Variants in LSAMP observed in about 807,000 individuals in gnomAD.
The protein encoded by LSAMP is limbic system associated membrane protein.
In LSAMP, 7 loss-of-function variants were observed where a neutral mutation model predicts 38.6. That is an observed-to-expected ratio of 0.18 (90% CI 0.10 to 0.34). LSAMP has a LOEUF of 0.34. Among genes scored for constraint, LSAMP ranks in the 10% least tolerant of loss-of-function variants. The pLI is 1.00. For synonymous variants in LSAMP, 154 were observed against 166.8 expected, an observed-to-expected ratio of 0.92 and a Z score of 0.59; for missense variants, 313 against 420.0, an observed-to-expected ratio of 0.75 and a Z score of 2.23.
intron 1 of LSAMP, among the ~76,000 whole-genome samples, chr3:116,343,191 G>A (rs2048020325): frequency 6.6e-6 from 1 of 152,106 alleles, no homozygotes; most frequent in Non-Finnish European, 1.5e-5. Flanking sequence ...TACTTGTGAT[G>A]GATTTGGAAA....
chr3:116,338,126 G>A (rs2047945934), intron 1 of LSAMP, among the ~76,000 whole-genome samples: 1 of 151,952 alleles, frequency 6.6e-6, no homozygotes, highest in Non-Finnish European at 1.5e-5. Flanking sequence ...TAAACCTTGT[G>A]TGAAAGATTT....
rs962377765 is a variant in LSAMP at position 115,926,436 on chromosome 3, A to G, written c.515-73819T>C. Among the ~76,000 whole-genome samples, 5 of 152,218 alleles carry G rather than the reference A, an allele frequency of 3.3e-5. No homozygotes were observed. In the South Asian group the frequency reaches 1.0e-3, roughly 32 times the overall value. On this transcript the variant is annotated intron_variant, in intron 3 of 6. Transcript: ENST00000490035. Reference sequence around the variant, plus strand: ...ACATATACATAAACATTTTTCTAGCACTGAGAGCTCACCAATAAAGTGTCA... The same window carrying G: ...ACATATACATAAACATTTTTCTAGCGCTGAGAGCTCACCAATAAAGTGTCA...
At chr3:115,839,683 T>C (rs766606578) in intron 6 of LSAMP, among the ~76,000 whole-genome samples, 4 of 152,228 alleles carry the variant, frequency 2.6e-5, no homozygotes, top group Non-Finnish European at 5.9e-5. Flanking sequence ...AACCAAATGC[T>C]GATGCATGTG....
chr3:115,955,053 C>A (rs1400673411), intron 3 of LSAMP, among the ~76,000 whole-genome samples: 3 of 151,710 alleles, frequency 2.0e-5, no homozygotes, highest in Non-Finnish European at 4.4e-5. Flanking sequence ...CTCCCGGGTT[C>A]ACGCCATTCT....
At chr3:116,302,601 T>C (rs931134512) in intron 1 of LSAMP, among the ~76,000 whole-genome samples, 4 of 152,354 alleles carry the variant, frequency 2.6e-5, no homozygotes, top group South Asian at 2.1e-4. Context: ...ACTAGAAATA[T>C]GAGTCGTATT....
At chr3:115,919,118 T>C (rs1483502177) in intron 3 of LSAMP, among the ~76,000 whole-genome samples, 1 of 152,054 alleles carries the variant, frequency 6.6e-6, no homozygotes, top group Non-Finnish European at 1.5e-5. Context: ...AAATTATGCT[T>C]CCTCCCTCCC....
intron 6 of LSAMP, chr3:115,841,613 AAAAC>A (rs1314173597): frequency 1.7e-5 from 7 of 404,230 alleles, no homozygotes; most frequent in Admixed American, 1.2e-4. Flanking sequence ...AAAACGAAGA[AAAAC>A]AAACAACAAG....
Position 115,803,472 on chromosome 3 carries a change from A to C in LSAMP, c.*6845T>G, listed in dbSNP as rs1397050454. On this transcript the variant is annotated 3_prime_UTR_variant, in exon 7 of 7. Coordinates refer to ENST00000490035, the MANE Select transcript of LSAMP (RefSeq NM_002338.5). ...ATGCATCTAGAACATGGCACAAGAA[A>C]ATAATTCCTTATTAATTGCTTGAGA... is the stretch of plus-strand genomic sequence containing the variant. 1 of 152,184 alleles carries C rather than the reference A, an allele frequency of 6.6e-6. No individual in the cohort carries two copies. The highest frequency in any genetic ancestry group is 2.4e-5 in the African/African-American group (1 of 41,454). 9.4% of individuals were successfully genotyped at this position (152,184 alleles called of 1,614,324 possible). A position where few individuals can be genotyped will look rare whatever the true frequency, so the allele number is the denominator to read the frequency against.
chr3:116,196,792 G>A (rs1710892451), intron 1 of LSAMP, among the ~76,000 whole-genome samples: 1 of 152,012 alleles, frequency 6.6e-6, no homozygotes, highest in South Asian at 2.1e-4. Context: ...TTCATTCATT[G>A]TACTTTCTGG....
At chr3:115,989,750 T>C (rs1939614320) in intron 3 of LSAMP, among the ~76,000 whole-genome samples, 1 of 152,102 alleles carries the variant, frequency 6.6e-6, no homozygotes, top group Non-Finnish European at 1.5e-5. Context: ...TCCTCAATTC[T>C]TAGATGTAGA....
chr3:116,303,677 G>A (rs193048702), intron 1 of LSAMP, among the ~76,000 whole-genome samples: 1 of 152,280 alleles, frequency 6.6e-6, no homozygotes, highest in East Asian at 1.9e-4. Context: ...AAGTGCTTGT[G>A]AAGTGTACAG....
intron 1 of LSAMP, among the ~76,000 whole-genome samples, chr3:116,317,862 G>A (rs1184099317): frequency 2.0e-5 from 3 of 151,574 alleles, no homozygotes; most frequent in Non-Finnish European, 2.9e-5. Flanking sequence ...AAGGCCGGGC[G>A]CGGTGGCTCA....
intron 1 of LSAMP, among the ~76,000 whole-genome samples, chr3:116,162,287 G>A (rs1709906307): frequency 6.6e-6 from 1 of 152,114 alleles, no homozygotes; most frequent in South Asian, 2.1e-4. Context: ...TTTGGTGTTG[G>A]TGAAATTTCA....
intron 3 of LSAMP, among the ~76,000 whole-genome samples, chr3:115,993,305 A>T (rs1211018144): frequency 6.6e-6 from 1 of 152,080 alleles, no homozygotes; most frequent in Non-Finnish European, 1.5e-5. Context: ...CAGTCTTTAA[A>T]GTGTTAGAAA....
chr3:115,819,236 G>A (rs1031624782), intron 6 of LSAMP, among the ~76,000 whole-genome samples: 4 of 151,938 alleles, frequency 2.6e-5, no homozygotes, highest in Non-Finnish European at 4.4e-5. Flanking sequence ...ACGAAGTCAG[G>A]AGTTCGACCA....
chr3:116,134,517 C>G (rs973208757), intron 1 of LSAMP, among the ~76,000 whole-genome samples: 1 of 152,196 alleles, frequency 6.6e-6, no homozygotes, highest in East Asian at 1.9e-4. Flanking sequence ...TTCGGCCAAC[C>G]CATCCCCTTT....
chr3:116,204,385 T>TG lies in LSAMP; in HGVS notation c.156-117830dup, dbSNP rs1198959139. Among the ~76,000 whole-genome samples, 3 of 152,326 alleles carry TG rather than the reference T, an allele frequency of 2.0e-5. No individual in the cohort carries two copies. The East Asian group carries it at 5.8e-4, about 29-fold the overall frequency. ...ACTCTGATGGTAGTTTCTTTTGCTG[T>TG]GCAGAAGCTCTTTAGTTTAATTAAA... On this transcript the variant is annotated intron_variant, in intron 1 of 6. Coordinates refer to ENST00000490035, the MANE Select transcript of LSAMP (RefSeq NM_002338.5).
intron 1 of LSAMP, among the ~76,000 whole-genome samples, chr3:116,148,405 A>G (rs1709535438): frequency 6.6e-6 from 1 of 151,992 alleles, no homozygotes; most frequent in Admixed American, 6.6e-5. Flanking sequence ...AGTGAGAGGC[A>G]ATACAAGAAA....
intron 3 of LSAMP, among the ~76,000 whole-genome samples, chr3:115,859,911 C>T (rs1214723335): frequency 6.6e-6 from 1 of 152,156 alleles, no homozygotes; most frequent in Non-Finnish European, 1.5e-5. Flanking sequence ...TACTTGGTGT[C>T]AGTTTTTAGA....
Sources: gnomAD v4.1 joint callset for allele counts (sites outside exome capture counted in the v4.1 genomes callset) on GRCh38, gnomAD v4.1.1 for gene constraint, MANE v1.5 for transcripts, NCBI Gene and HGNC (gene_info 2026-07-23, HGNC 2026-07-21) for gene names.